Variants in RELN observed in about 807,000 individuals in gnomAD.
RELN encodes the protein reelin.
In RELN, 108 loss-of-function variants were observed where a neutral mutation model predicts 427.6. That is an observed-to-expected ratio of 0.25 (90% CI 0.22 to 0.30). The LOEUF (loss-of-function observed/expected upper bound fraction) is 0.30, where lower values mean the gene tolerates loss of function less well. Among genes scored for constraint, RELN ranks in the 10% least tolerant of loss-of-function variants. RELN has a pLI of 1.00. For synonymous variants in RELN, 1,524 were observed against 1,513.4 expected (o/e 1.01, Z -0.16); for missense variants, 3,715 against 4,302.8 (o/e 0.86, Z 3.82).
chr7:103,928,330 A>C (rs1795789821), intron 1 of RELN, among the ~76,000 whole-genome samples: 2 of 152,198 alleles, frequency 1.3e-5, no homozygotes, highest in African/African-American at 4.8e-5. Context: ...AATTCTCCCA[A>C]AGATCATTTT....
intron 2 of RELN, among the ~76,000 whole-genome samples, chr7:103,842,260 A>T (rs1016512035): frequency 3.5e-5 from 5 of 143,006 alleles, no homozygotes; most frequent in Admixed American, 2.1e-4. Flanking sequence ...ATCAGTTAAT[A>T]AAAAAAAAAA....
chr7:103,576,873 A>C (rs1831015388), intron 28 of RELN, among the ~76,000 whole-genome samples: 5 of 152,212 alleles, frequency 3.3e-5, no homozygotes. Context: ...TGAGGTTGCC[A>C]AACTAAAATT....
chr7:103,880,817 C>T (rs1203285451), intron 2 of RELN, among the ~76,000 whole-genome samples: 2 of 152,084 alleles, frequency 1.3e-5, no homozygotes, highest in African/African-American at 2.4e-5. Context: ...CTCAGCTTCC[C>T]GAGTAGCTGG....
chr7:103,579,308 T>C (rs553147473), intron 28 of RELN, among the ~76,000 whole-genome samples: 17 of 152,208 alleles, frequency 1.1e-4, no homozygotes, highest in Non-Finnish European at 1.8e-4. Context: ...TTATTAGAAA[T>C]AGATCATAGG....
chr7:103,727,792 A>G (rs778605113), intron 7 of RELN, among the ~76,000 whole-genome samples: 103 of 152,308 alleles, frequency 6.8e-4, no homozygotes, highest in Non-Finnish European at 1.2e-3. Context: ...GGCTTTATAG[A>G]AGAACTTAGA....
chr7:103,519,651 C>G, intron 48 of RELN, 135 bp from the exon 49 acceptor site: 2 of 663,252 alleles, frequency 3.0e-6, no homozygotes, highest in Non-Finnish European at 5.2e-6. Context: ...GGCACCATCA[C>G]AGCTCACTGC....
At chr7:103,914,791 G>A (rs1033116273) in intron 2 of RELN, among the ~76,000 whole-genome samples, 3 of 152,042 alleles carry the variant, frequency 2.0e-5, no homozygotes, top group Non-Finnish European at 4.4e-5. Context: ...CCCCACATCT[G>A]GCTCCTTCTT....
chr7:103,785,262 AC>A (rs1791988371), intron 3 of RELN, among the ~76,000 whole-genome samples: 1 of 152,096 alleles, frequency 6.6e-6, no homozygotes, highest in Admixed American at 6.6e-5. Context: ...TGTTTTAAAC[AC>A]CTTTTAATTA....
chr7:103,608,764 G>A (rs1831876697), intron 22 of RELN, among the ~76,000 whole-genome samples: 1 of 152,138 alleles, frequency 6.6e-6, no homozygotes, highest in South Asian at 2.1e-4. Flanking sequence ...CCAGCTTGGT[G>A]TTGCTATCTT....
chr7:103,629,111 C>T (rs1404855243), intron 20 of RELN, among the ~76,000 whole-genome samples: 1 of 152,194 alleles, frequency 6.6e-6, no homozygotes, highest in African/African-American at 2.4e-5. Flanking sequence ...TGTTCTCCCA[C>T]TTTCCAATCA....
At chr7:103,513,790 AATAT>A (rs1443279778) in intron 50 of RELN, 1 of 152,112 alleles carries the variant, frequency 6.6e-6, no homozygotes, top group Non-Finnish European at 1.5e-5. Context: ...GAAGCTATGA[AATAT>A]ATATAATTTA....
chr7:103,967,191 T>C (rs530728194), intron 1 of RELN, among the ~76,000 whole-genome samples: 3 of 152,248 alleles, frequency 2.0e-5, no homozygotes, highest in Non-Finnish European at 2.9e-5. Flanking sequence ...TTCTAACCCA[T>C]GGAGACCAAT....
intron 1 of RELN, among the ~76,000 whole-genome samples, chr7:103,965,591 G>C (rs1223674111): frequency 6.6e-6 from 1 of 152,116 alleles, no homozygotes; most frequent in Non-Finnish European, 1.5e-5. Context: ...TATCTTCAAG[G>C]CTTGGACGTT....
chr7:103,632,458 T>C (rs1277833204), intron 19 of RELN, among the ~76,000 whole-genome samples: 1 of 152,236 alleles, frequency 6.6e-6, no homozygotes, highest in Non-Finnish European at 1.5e-5. Context: ...ATAATCTCTT[T>C]AAGATTAAGC....
chr7:103,553,614 G>A (rs1285189360), intron 39 of RELN, 46 bp downstream of exon 39: 1 of 1,612,124 alleles, frequency 6.2e-7, no homozygotes, highest in African/African-American at 1.3e-5. Context: ...AGTTCATCAT[G>A]ATTTGTATAC....
At chr7:103,591,519 C>G (rs1831415629) in intron 27 of RELN, among the ~76,000 whole-genome samples, 1 of 152,126 alleles carries the variant, frequency 6.6e-6, no homozygotes, top group African/African-American at 2.4e-5. Context: ...CACAATTTAT[C>G]CAAGTTTATA....
chr7:103,674,789 A>T (rs1453840091), intron 11 of RELN, among the ~76,000 whole-genome samples: 1 of 152,218 alleles, frequency 6.6e-6, no homozygotes, highest in African/African-American at 2.4e-5. Flanking sequence ...TAAAAACCAC[A>T]TGATTATCTC....
In RELN at chr7:103,786,542, G is replaced by T. The variant is rs568685751; in HGVS notation, c.474-9915C>A. On this transcript the variant is annotated intron_variant, in intron 3 of 64. Transcript: ENST00000428762. ...CAAAAAAAAAAAAAAAAAAAGCAAGGGTTGCTATCCTAGTATCTGATAAAA... is the reference window on the plus strand; with the variant it reads ...CAAAAAAAAAAAAAAAAAAAGCAAGTGTTGCTATCCTAGTATCTGATAAAA... 1.3e-3 allele frequency among the ~76,000 whole-genome samples: 185 copies of T among 146,138 alleles called. 1 individual carries two copies. The highest frequency in any genetic ancestry group is 1.2e-3 in the Non-Finnish European group (83 of 66,894).
At position 103,636,278 on chromosome 7, in the gene RELN, G is replaced by A. The variant is rs759711654; in HGVS notation, c.2260C>T (p.Arg754Trp). The A allele has an allele frequency of 1.3e-5, 21 of 1,613,800 alleles. No individual in the cohort carries two copies. The highest frequency in any genetic ancestry group is 5.0e-5 in the Admixed American group (3 of 59,998). ...GKALVFNKDG[R>W]RQLITSFLDS... Reference sequence around the variant, plus strand: ...AGGAAAGATGTAATTAGCTGACGCCGCCCATCTTTGTTGAAAACCAGGGCC... The same window carrying A: ...AGGAAAGATGTAATTAGCTGACGCCACCCATCTTTGTTGAAAACCAGGGCC... The change falls in exon 18 of 65, where the codon CGG (arginine) becomes TGG (tryptophan). Residue 754 changes from arginine (R) to tryptophan (W), a missense_variant. Arg to Trp is a moderately radical substitution (Grantham distance 101). This residue lies in a region of RELN where 2,208 missense variants were observed against 2,361.7 expected (regional missense o/e 0.93). Transcript: ENST00000428762.
Sources: gnomAD v4.1 joint callset for allele counts (sites outside exome capture counted in the v4.1 genomes callset) on GRCh38, gnomAD v4.1.1 for gene constraint, gnomAD v4.1.1 regional missense constraint, MANE v1.5 for transcripts, NCBI Gene and HGNC (gene_info 2026-07-23, HGNC 2026-07-21) for gene names.